CCDC27: variants seen among roughly 807,000 people sequenced by gnomAD.
CCDC27 encodes coiled-coil domain-containing protein 27.
A neutral mutation model predicts 80.3 loss-of-function variants in CCDC27; 80 were observed. That is an observed-to-expected ratio of 1.00 (90% CI 0.83 to 1.20). The LOEUF is 1.20. Ranked by LOEUF, CCDC27 falls within the 50% of genes most tolerant of loss-of-function variation. The probability of loss-of-function intolerance (pLI) is 0.00; values close to 1 mark genes in which losing one functional copy is unlikely to be tolerated. For synonymous variants in CCDC27, 342 were observed against 334.3 expected (o/e 1.02, Z -0.25); for missense variants, 815 against 809.4 (o/e 1.01, Z -0.08).
chr1:3,765,869 CCTT>C (rs1643215315), intron 8 of CCDC27, among the ~76,000 whole-genome samples: 1 of 127,050 alleles, frequency 7.9e-6, no homozygotes, highest in Admixed American at 7.3e-5. Context: ...TTTCTTTTCT[CCTT>C]TTTTTTTTTT....
In CCDC27 at chr1:3,768,935, C is replaced by T. The variant is rs1463476211; in HGVS notation, c.1744-848C>T. Reference sequence around the variant, plus strand: ...AAGAAGGAAAGGATTCCACTCCTCACACAGGCCAGGGGCCCATGACATTCC... The same window carrying T: ...AAGAAGGAAAGGATTCCACTCCTCATACAGGCCAGGGGCCCATGACATTCC... On this transcript the variant is annotated intron_variant, in intron 10 of 11. Coordinates refer to ENST00000294600, the MANE Select transcript of CCDC27 (RefSeq NM_152492.3). This position sits in a 1 kb window ranked among gnomAD's most constrained non-coding sequence, Gnocchi z 5.6. 6.6e-6 allele frequency among the ~76,000 whole-genome samples: 1 copy of T among 152,226 alleles called. No homozygotes were observed. The highest frequency in any genetic ancestry group is 6.5e-5 in the Admixed American group (1 of 15,280).
In CCDC27 at chr1:3,769,274, G is replaced by A. The variant is rs568531645; in HGVS notation, c.1744-509G>A. 2.0e-5 allele frequency among the ~76,000 whole-genome samples: 3 copies of A among 152,070 alleles called. No individual in the cohort carries two copies. Among genetic ancestry groups the A allele is most frequent in the Admixed American group, 1.3e-4 (2 of 15,264 alleles). ...GAGAACGCCTTCTGGGTCTGTGCGC[G>A]GGGGCCAGGTTCAACGCTGCTGTCC... On this transcript the variant is annotated intron_variant, in intron 10 of 11. Transcript: ENST00000294600. The surrounding 1 kb of genome is among the most constrained non-coding windows in gnomAD (Gnocchi z 4.6).
Position 3,763,964 on chromosome 1 carries a change from A to G in CCDC27, c.1452+128A>G. On this transcript the variant is annotated intron_variant, in intron 8 of 11. Coordinates refer to ENST00000294600, the MANE Select transcript of CCDC27 (RefSeq NM_152492.3). This position sits in a 1 kb window ranked among gnomAD's most constrained non-coding sequence, Gnocchi z 7.5. ...TGGAGACTTTGAGCCTGGGGTGTCC[A>G]GGCAGCTGGCCCAGGGTTGTGCGGC... 1 of 1,426,488 alleles carries G rather than the reference A, an allele frequency of 7.0e-7. No homozygotes were observed. Among genetic ancestry groups the G allele is most frequent in the Non-Finnish European group, 9.3e-7 (1 of 1,075,264 alleles). 88.4% of individuals were successfully genotyped at this position (1,426,488 alleles called of 1,614,324 possible).
chr1:3,760,854 A>G lies in CCDC27; in HGVS notation c.712-427A>G, dbSNP rs140261605. Among the ~76,000 whole-genome samples, 156 of 152,316 alleles carry G rather than the reference A, an allele frequency of 1.0e-3. No individual in the cohort carries two copies. The highest frequency in any genetic ancestry group is 3.5e-3 in the African/African-American group (147 of 41,564). On this transcript the variant is annotated intron_variant, in intron 4 of 11. Transcript: ENST00000294600. This position sits in a 1 kb window ranked among gnomAD's most constrained non-coding sequence, Gnocchi z 4.3. ...AATTGAGGGAGTTGAGATTCTGAGA[A>G]CAAAAGTTTGAGGAGCTCCCCGACA...
rs1162105972 is a variant in CCDC27, at chr1:3,761,434, A to C, written c.861+4A>C. On this transcript the variant is annotated splice_donor_region_variant and intron_variant, in intron 5 of 11. Coordinates refer to ENST00000294600, the MANE Select transcript of CCDC27 (RefSeq NM_152492.3). This position sits in a 1 kb window ranked among gnomAD's most constrained non-coding sequence, Gnocchi z 5.0. Reference sequence around the variant, plus strand: ...ATCCATGTCCCCAGGCAGGAGGGTGAGCCAGCCCCAGCGGGGCACAGCGCA... The same window carrying C: ...ATCCATGTCCCCAGGCAGGAGGGTGCGCCAGCCCCAGCGGGGCACAGCGCA... The C allele has an allele frequency of 6.2e-7, 1 of 1,613,268 alleles. No individual in the cohort carries two copies.
chr1:3,762,216 G>A (rs1380874249), intron 5 of CCDC27, among the ~76,000 whole-genome samples: 1 of 152,158 alleles, frequency 6.6e-6, no homozygotes, highest in Non-Finnish European at 1.5e-5. Context: ...AGGGAAGGCT[G>A]CCTAGACACA....
intron 8 of CCDC27, among the ~76,000 whole-genome samples, 194 bp downstream of exon 8, chr1:3,764,030 GCTGGAGC>G (rs2124595387): frequency 6.6e-6 from 1 of 152,310 alleles, no homozygotes; most frequent in South Asian, 2.1e-4. Flanking sequence ...TGTGTGGGAG[GCTGGAGC>G]CCATGTGCCC....
At chr1:3,762,158 G>A (rs1643101993) in intron 5 of CCDC27, among the ~76,000 whole-genome samples, 1 of 152,150 alleles carries the variant, frequency 6.6e-6, no homozygotes, top group African/African-American at 2.4e-5. Flanking sequence ...GATGAAGCAG[G>A]AACCAGGGGG....
Position 3,771,411 on chromosome 1 carries a change from C to G in CCDC27, c.1859C>G (p.Ser620Ter), listed in dbSNP as rs1557634396. Residue 620 changes from serine to a stop codon, truncating the protein, a stop_gained, in exon 12 of 12, where the codon TCA (serine) becomes TGA (stop). Transcript: ENST00000294600. LOFTEE classifies it low-confidence loss of function (END_TRUNC). ...GTGTTTCTTGTGTAGAGAATTATCT[C>G]AGAGAGAAGCGACTACTATAATCAG... ...DILEALQRIISERSDYYNQLK... is the reference protein window; with the variant it reads ...DILEALQRII 6 of 1,614,016 alleles carry G rather than the reference C, an allele frequency of 3.7e-6. No individual in the cohort carries two copies. Among genetic ancestry groups the G allele is most frequent in the Admixed American group, 1.7e-5 (1 of 60,014 alleles).
rs569085691 is a variant in CCDC27, at chr1:3,769,958, T to TG, written c.1848+77dup. 9.9e-6 allele frequency: 11 copies of TG among 1,116,112 alleles called. No individual in the cohort carries two copies. The highest frequency in any genetic ancestry group is 1.5e-5 in the Non-Finnish European group (11 of 727,724). The allele number at this position is 1,116,112 out of a possible 1,614,324, so 69.1% of individuals were successfully genotyped here. A position where few individuals can be genotyped will look rare whatever the true frequency, so the allele number is the denominator to read the frequency against. On this transcript the variant is annotated intron_variant, in intron 11 of 11. Transcript: ENST00000294600. The surrounding 1 kb of genome is among the most constrained non-coding windows in gnomAD (Gnocchi z 4.6). ...AGGCCAGAGCTGTGGTAGGGGGTTGTGGGGGGCCTAGATTCCAGGGACTCT... is the reference window on the plus strand; with the variant it reads ...AGGCCAGAGCTGTGGTAGGGGGTTGTGGGGGGGCCTAGATTCCAGGGACTCT...
chr1:3,753,968 C>G, intron 1 of CCDC27, 150 bp from the exon 2 acceptor site: 1 of 1,112,244 alleles, frequency 9.0e-7, no homozygotes, highest in Non-Finnish European at 1.3e-6. Context: ...ACACGGTGTC[C>G]TGGGTGTGGG....
At chr1:3,765,722 T>C (rs565028825) in intron 8 of CCDC27, among the ~76,000 whole-genome samples, 1 of 152,248 alleles carries the variant, frequency 6.6e-6, no homozygotes, top group Admixed American at 6.5e-5. Flanking sequence ...AAGTTTGCTT[T>C]TGGTGTCTGT....
rs142167344 is a variant in CCDC27 at position 3,763,448 on chromosome 1, C to G, written c.1295C>G (p.Thr432Ser). 7 of 1,608,696 alleles carry G rather than the reference C, an allele frequency of 4.4e-6. No homozygotes were observed. The highest frequency in any genetic ancestry group is 5.9e-6 in the Non-Finnish European group (7 of 1,177,988). The change falls in exon 7 of 12, where the codon ACC (threonine) becomes AGC (serine). Residue 432 changes from threonine to serine, a missense_variant. Physicochemically the swap from Thr to Ser is moderately conservative, Grantham distance 58 (BLOSUM62 1). Transcript: ENST00000294600. The surrounding 1 kb of genome is among the most constrained non-coding windows in gnomAD (Gnocchi z 7.5). ...GACTTCCAGTTCAACCTGGAGGCCA[C>G]CAGGACCAGATACTCCCTTGCAACA... The part of the protein sequence containing the change: ...ILDFQFNLEA[T>S]RTRYSLATGV...
chr1:3,763,782 G>C lies in CCDC27; in HGVS notation c.1398G>C (p.Thr466=). ...QLRKINTENE[T]LQKELRERRQ... is the part of the protein sequence containing the mutation. Reference sequence around the variant, plus strand: ...GAAAGATCAATACGGAAAATGAGACGCTGCAGAAGGAGCTCCGAGAGCGGA... The same window carrying C: ...GAAAGATCAATACGGAAAATGAGACCCTGCAGAAGGAGCTCCGAGAGCGGA... Residue 466 remains threonine, a synonymous_variant, in exon 8 of 12, where the codon ACG becomes ACC. Transcript: ENST00000294600. This position sits in a 1 kb window ranked among gnomAD's most constrained non-coding sequence, Gnocchi z 7.5. The C allele has an allele frequency of 6.2e-7, 1 of 1,614,146 alleles. No homozygotes were observed. Among genetic ancestry groups the C allele is most frequent in the South Asian group, 1.1e-5 (1 of 91,090 alleles).
chr1:3,766,471 C>G lies in CCDC27; in HGVS notation c.1453-64C>G. 8.5e-7 allele frequency: 1 copy of G among 1,177,926 alleles called. No homozygotes were observed. The highest frequency in any genetic ancestry group is 1.2e-6 in the Non-Finnish European group (1 of 806,506). 73.0% of individuals were successfully genotyped at this position (1,177,926 alleles called of 1,614,324 possible). On this transcript the variant is annotated intron_variant, in intron 8 of 11. Coordinates refer to ENST00000294600, the MANE Select transcript of CCDC27 (RefSeq NM_152492.3). The surrounding 1 kb of genome is among the most constrained non-coding windows in gnomAD (Gnocchi z 6.1). ...TTTGGGGAAGGAAAAAAGTTAGATG[C>G]CGGAATTCAGTCTGTTATCTAAACC...
intron 2 of CCDC27, 39 bp from the exon 3 acceptor site, chr1:3,755,418 C>A: frequency 1.3e-6 from 2 of 1,530,522 alleles, no homozygotes; most frequent in Non-Finnish European, 1.8e-6. Context: ...GGAGACAAGA[C>A]CGCAGCAGTC....
At chr1:3,765,134 T>G (rs1404902570) in intron 8 of CCDC27, among the ~76,000 whole-genome samples, 1 of 152,108 alleles carries the variant, frequency 6.6e-6, no homozygotes, top group African/African-American at 2.4e-5. Context: ...CTGGGTTGGA[T>G]ATAGCATTCC....
rs921315532 is a variant in CCDC27 at position 3,756,716 on chromosome 1, C to T, written c.554-17C>T. On this transcript the variant is annotated splice_polypyrimidine_tract_variant and intron_variant, in intron 3 of 11. Transcript: ENST00000294600. ...GGAAGGGTCTCATTTCTCACTTGGCCTCCGCTGTCGCCACAGGGTACCTCC... is the reference window on the plus strand; with the variant it reads ...GGAAGGGTCTCATTTCTCACTTGGCTTCCGCTGTCGCCACAGGGTACCTCC... The T allele has an allele frequency of 6.2e-7, 1 of 1,613,006 alleles. No individual in the cohort carries two copies. Among genetic ancestry groups the T allele is most frequent in the African/African-American group, 1.3e-5 (1 of 74,920 alleles).
chr1:3,766,558 G>T lies in CCDC27; in HGVS notation c.1476G>T (p.Lys492Asn), dbSNP rs1235575656. The change falls in exon 9 of 12, where the codon AAG (lysine) becomes AAT (asparagine). Residue 492 changes from lysine (K) to asparagine (N), a missense_variant. Lys to Asn is a moderately conservative substitution (Grantham distance 94, BLOSUM62 0). Coordinates refer to ENST00000294600, the MANE Select transcript of CCDC27 (RefSeq NM_152492.3). This position sits in a 1 kb window ranked among gnomAD's most constrained non-coding sequence, Gnocchi z 6.1. ...AGTTCTCCAACCTCCGAGAAGATAAGAAACACCAAGAGATGATGGGGCTCA... is the reference window on the plus strand; with the variant it reads ...AGTTCTCCAACCTCCGAGAAGATAATAAACACCAAGAGATGATGGGGCTCA... Reference protein sequence around the residue: ...TDKFSNLREDKKHQEMMGLIE... With the variant: ...TDKFSNLREDNKHQEMMGLIE... 6.2e-7 allele frequency: 1 copy of T among 1,613,874 alleles called. No individual in the cohort carries two copies. The highest frequency in any genetic ancestry group is 1.7e-5 in the Admixed American group (1 of 59,972).
Sources: allele counts gnomAD v4.1 joint callset (sites outside exome capture counted in the v4.1 genomes callset), GRCh38; gene constraint gnomAD v4.1.1; non-coding constraint Gnocchi (gnomAD v3.1); transcripts MANE v1.5; gene names NCBI Gene and HGNC (gene_info 2026-07-23, HGNC 2026-07-21).